The following AMPH variants were observed in gnomAD, a reference collection of about 807,000 sequenced individuals.
The protein encoded by AMPH is amphiphysin, also known as amphiphysin (Stiff-Mann syndrome with breast cancer 128kD autoantigen).
A neutral mutation model predicts 99.1 loss-of-function variants in AMPH; 49 were observed. The observed-to-expected ratio is 0.49, with a 90% CI of 0.39 to 0.63. The LOEUF is 0.63. Among genes scored for constraint, AMPH ranks in the 20% least tolerant of loss-of-function variants. The pLI, the probability that AMPH is intolerant of heterozygous loss-of-function variation, is 0.00. For missense variants in AMPH, 759 were observed against 863.4 expected (o/e 0.88, Z 1.52); for synonymous variants, 314 against 317.3 (o/e 0.99, Z 0.11).
At chr7:38,592,904 G>A (rs1241576142) in intron 1 of AMPH, among the ~76,000 whole-genome samples, 3 of 152,178 alleles carry the variant, frequency 2.0e-5, no homozygotes. Flanking sequence ...AGGCCAACCT[G>A]CGGCATATTC....
intron 14 of AMPH, chr7:38,429,455 G>C (rs142677178): frequency 1.5e-6 from 2 of 1,300,308 alleles, no homozygotes; most frequent in African/African-American, 1.5e-5. Flanking sequence ...CTGTACTAGC[G>C]TCAGGGCCCC....
chr7:38,573,722 A>G (rs1792131473), intron 1 of AMPH, among the ~76,000 whole-genome samples: 1 of 152,190 alleles, frequency 6.6e-6, no homozygotes, highest in Admixed American at 6.5e-5. Context: ...TGATTAATTT[A>G]TATTTCCTTC....
rs1447440426 is a variant in AMPH at position 38,391,913 on chromosome 7, G to A, written c.1713C>T (p.Asp571=). 4.3e-6 allele frequency: 7 copies of A among 1,612,548 alleles called. No homozygotes were observed. Among genetic ancestry groups the A allele is most frequent in the African/African-American group, 1.3e-5 (1 of 74,898 alleles). ...IGAEPKETTE[D]AAPPGPTSET... is the part of the protein sequence containing the mutation. The stretch of plus-strand genomic sequence containing the variant: ...CGCTGGTGGGGCCCGGAGGAGCCGC[G>A]TCCTCGGTGGTCTCCTTGGGCTCTG... The change falls in exon 19 of 21, where the codon GAC becomes GAT. Residue 571 remains aspartate (D), a synonymous_variant. Transcript: ENST00000356264.
At position 38,392,091 on chromosome 7, in the gene AMPH, C is replaced by T. The variant is rs1784517360; in HGVS notation, c.1609-74G>A. The T allele has an allele frequency of 6.0e-6, 9 of 1,508,244 alleles. No individual in the cohort carries two copies. The South Asian group carries it at 1.1e-4, about 19-fold the overall frequency. The allele number at this position is 1,508,244 out of a possible 1,614,324, so 93.4% of individuals were successfully genotyped here. ...AACCTCCTTGTCCTGCACAACCTGC[C>T]TTAGCCCCCAGCCCAAAGCTGGGGC... On this transcript the variant is annotated intron_variant, in intron 18 of 20. Transcript: ENST00000356264.
At chr7:38,576,900 G>A (rs1792266082) in intron 1 of AMPH, among the ~76,000 whole-genome samples, 1 of 152,104 alleles carries the variant, frequency 6.6e-6, no homozygotes, top group African/African-American at 2.4e-5. Flanking sequence ...CTATACAAAG[G>A]AAATGATAAT....
At chr7:38,603,662 G>C (rs1318113257) in intron 1 of AMPH, among the ~76,000 whole-genome samples, 1 of 152,150 alleles carries the variant, frequency 6.6e-6, no homozygotes, top group African/African-American at 2.4e-5. Flanking sequence ...GAAGAGCCAG[G>C]CCTCCATATC....
intron 1 of AMPH, among the ~76,000 whole-genome samples, chr7:38,606,806 C>T (rs1793452787): frequency 6.6e-6 from 1 of 152,020 alleles, no homozygotes; most frequent in Non-Finnish European, 1.5e-5. Flanking sequence ...AACTCTCGGC[C>T]TCAAGCAATC....
intron 17 of AMPH, among the ~76,000 whole-genome samples, chr7:38,405,786 A>C (rs1056935725): frequency 1.3e-5 from 2 of 152,182 alleles, no homozygotes; most frequent in African/African-American, 4.8e-5. Context: ...GGACTTCAAT[A>C]CCCCACTGAT....
chr7:38,449,983 G>GA (rs1156632542), intron 11 of AMPH, among the ~76,000 whole-genome samples: 1 of 152,158 alleles, frequency 6.6e-6, no homozygotes, highest in Non-Finnish European at 1.5e-5. Flanking sequence ...ATTGGCTAGG[G>GA]AAAACAGCAT....
chr7:38,436,422 T>A, intron 11 of AMPH, 34 bp from the exon 12 acceptor site: 1 of 1,480,028 alleles, frequency 6.8e-7, no homozygotes, highest in Non-Finnish European at 9.4e-7. Flanking sequence ...AAATAAAACA[T>A]GTATTAGCTT....
chr7:38,393,091 C>T (rs780886829), intron 18 of AMPH, among the ~76,000 whole-genome samples: 16 of 152,146 alleles, frequency 1.1e-4, no homozygotes, highest in Non-Finnish European at 2.1e-4. Flanking sequence ...ATAATACCGT[C>T]TTTCCATGAG....
chr7:38,505,547 T>C (rs1433755302), intron 2 of AMPH, among the ~76,000 whole-genome samples: 1 of 152,196 alleles, frequency 6.6e-6, no homozygotes, highest in African/African-American at 2.4e-5. Flanking sequence ...TTCTATTCCC[T>C]TGTTGAAACA....
Position 38,561,491 on chromosome 7 carries a change from G to A in AMPH, c.70-26480C>T, listed in dbSNP as rs374409172. On this transcript the variant is annotated intron_variant, in intron 1 of 20. Coordinates refer to ENST00000356264, the MANE Select transcript of AMPH (RefSeq NM_001635.4). ...AGGCACTGCACAACAGAAAGAGGGC[G>A]AAATGCTGGCATTCCTGAGCTTATC... 1.5e-4 allele frequency among the ~76,000 whole-genome samples: 23 copies of A among 152,336 alleles called. No homozygotes were observed. The East Asian group carries it at 1.9e-3, about 13-fold the overall frequency.
intron 7 of AMPH, among the ~76,000 whole-genome samples, chr7:38,474,109 G>A (rs1352581346): frequency 1.3e-5 from 2 of 152,122 alleles, no homozygotes; most frequent in Admixed American, 6.5e-5. Flanking sequence ...TGGGGACAGT[G>A]GGACCAGAGA....
intron 17 of AMPH, among the ~76,000 whole-genome samples, chr7:38,408,338 AT>A (rs887283491): frequency 6.6e-6 from 1 of 152,096 alleles, no homozygotes; most frequent in Non-Finnish European, 1.5e-5. Context: ...ATAGATTATA[AT>A]TTTTTTTCTT....
intron 11 of AMPH, among the ~76,000 whole-genome samples, chr7:38,447,016 ATT>A (rs35968358): frequency 4.1e-5 from 6 of 147,800 alleles, no homozygotes; most frequent in Admixed American, 1.4e-4. Flanking sequence ...TTTGGTTACT[ATT>A]TTTTTTTTTT....
At chr7:38,564,438 G>A (rs183242055) in intron 1 of AMPH, among the ~76,000 whole-genome samples, 1 of 152,202 alleles carries the variant, frequency 6.6e-6, no homozygotes, top group Non-Finnish European at 1.5e-5. Flanking sequence ...CTGGTAAGAG[G>A]GCTGGTGGTG....
chr7:38,513,295 T>C (rs1789610813), intron 2 of AMPH, among the ~76,000 whole-genome samples: 2 of 152,212 alleles, frequency 1.3e-5, no homozygotes, highest in Non-Finnish European at 2.9e-5. Context: ...AAGAATCTCA[T>C]AGCCAATCAC....
intron 1 of AMPH, among the ~76,000 whole-genome samples, chr7:38,577,124 C>T (rs1792274688): frequency 6.6e-6 from 1 of 152,146 alleles, no homozygotes. Context: ...ATGTAGCAGG[C>T]ATAGGCAGAG....
Sources: allele counts gnomAD v4.1 joint callset (sites outside exome capture counted in the v4.1 genomes callset), GRCh38; gene constraint gnomAD v4.1.1; transcripts MANE v1.5; gene names NCBI Gene and HGNC (gene_info 2026-07-23, HGNC 2026-07-21).